COL26A1: variants seen among roughly 807,000 people sequenced by gnomAD.
COL26A1 encodes collagen alpha-1(XXVI) chain.
Under a neutral mutation model 59.3 loss-of-function variants are expected in COL26A1, and 41 were observed. The observed-to-expected ratio is 0.69, with a 90% confidence interval of 0.54 to 0.90. The LOEUF is 0.90. Ranked by LOEUF, COL26A1 falls within the 40% of genes least tolerant of loss-of-function variation. The pLI is 0.00. For missense variants in COL26A1, 612 were observed against 602.3 expected, an observed-to-expected ratio of 1.02 and a Z score of -0.17; for synonymous variants, 266 against 256.0, an observed-to-expected ratio of 1.04 and a Z score of -0.37.
At chr7:101,475,431 C>A (rs898931919) in intron 3 of COL26A1, among the ~76,000 whole-genome samples, 9 of 152,148 alleles carry the variant, frequency 5.9e-5, no homozygotes, top group African/African-American at 1.7e-4. Flanking sequence ...CTTCCTGCTT[C>A]TGCTGTTTTC....
At chr7:101,392,345 T>A (rs1176031842) in intron 1 of COL26A1, among the ~76,000 whole-genome samples, 2 of 151,770 alleles carry the variant, frequency 1.3e-5, no homozygotes, top group Non-Finnish European at 2.9e-5. Flanking sequence ...CATCTGTTGT[T>A]ATGAGCAGGT....
In COL26A1 at chr7:101,488,628, G is replaced by T. The variant is rs577583003; in HGVS notation, c.385+40841G>T. Among the ~76,000 whole-genome samples the T allele has an allele frequency of 1.3e-4, 20 of 151,816 alleles. No individual in the cohort carries two copies. The South Asian group carries it at 4.2e-3, about 32-fold the overall frequency. On this transcript the variant is annotated intron_variant, in intron 3 of 12. Transcript: ENST00000313669. Reference sequence around the variant, plus strand: ...TGACCTCAGGTGATCCTCCCTCCTCGGCCTCCCAAAGCGCTAGGATTACAG... The same window carrying T: ...TGACCTCAGGTGATCCTCCCTCCTCTGCCTCCCAAAGCGCTAGGATTACAG...
chr7:101,527,176 G>T (rs1046343625), intron 3 of COL26A1, among the ~76,000 whole-genome samples: 19 of 151,782 alleles, frequency 1.3e-4, no homozygotes, highest in African/African-American at 4.4e-4. Flanking sequence ...CTGCCATGTT[G>T]CCCCGACTGG....
chr7:101,507,134 C>CA (rs1018717901), intron 3 of COL26A1, among the ~76,000 whole-genome samples: 31 of 152,254 alleles, frequency 2.0e-4, no homozygotes, highest in African/African-American at 7.5e-4. Flanking sequence ...AGGCTGGTCT[C>CA]AAACGCCTGG....
chr7:101,489,860 T>G (rs1461040430), intron 3 of COL26A1, among the ~76,000 whole-genome samples: 5 of 44,692 alleles, frequency 1.1e-4, no homozygotes, highest in Non-Finnish European at 1.5e-4. Flanking sequence ...CTTTCTTTCT[T>G]TCTTTCTTTC....
At chr7:101,422,311 C>CAAA (rs112095038) in intron 2 of COL26A1, among the ~76,000 whole-genome samples, 2,271 of 59,102 alleles carry the variant, frequency 0.038, 27 homozygotes, top group Non-Finnish European at 0.07. Flanking sequence ...AACTCCATCT[C>CAAA]AAAAAAAAAA....
At chr7:101,377,254 C>T (rs1172333002) in intron 1 of COL26A1, among the ~76,000 whole-genome samples, 1 of 151,966 alleles carries the variant, frequency 6.6e-6, no homozygotes, top group Non-Finnish European at 1.5e-5. Flanking sequence ...GTGATCCTCC[C>T]ACCTTGGCAT....
intron 1 of COL26A1, among the ~76,000 whole-genome samples, chr7:101,369,275 C>T (rs1030409743): frequency 2.5e-4 from 38 of 151,680 alleles, no homozygotes; most frequent in Non-Finnish European, 4.3e-4. Flanking sequence ...GGCATGGTGG[C>T]GCATGCCTGT....
chr7:101,446,199 C>G (rs1327684040), intron 2 of COL26A1, among the ~76,000 whole-genome samples: 2 of 152,084 alleles, frequency 1.3e-5, no homozygotes, highest in Admixed American at 6.6e-5. Context: ...CTGATCTAAT[C>G]ACCTCCTACC....
At chr7:101,550,993 TC>T (rs948015168) in intron 9 of COL26A1, 114 bp from the exon 10 acceptor site, 5 of 1,208,270 alleles carry the variant, frequency 4.1e-6, no homozygotes, top group Admixed American at 4.0e-5. Flanking sequence ...CATCCTCCTC[TC>T]CCTTCCTCTT....
intron 3 of COL26A1, among the ~76,000 whole-genome samples, chr7:101,465,550 C>T (rs1234289465): frequency 3.3e-5 from 5 of 151,932 alleles, no homozygotes; most frequent in South Asian, 2.1e-4. Flanking sequence ...AAAAATCAGT[C>T]GGGCGTGGTG....
At chr7:101,385,710 ATTTG>A (rs1383476371) in intron 1 of COL26A1, among the ~76,000 whole-genome samples, 6 of 146,098 alleles carry the variant, frequency 4.1e-5, no homozygotes, top group African/African-American at 1.5e-4. Context: ...TTTTTAATTT[ATTTG>A]TTTATTTGTT....
intron 3 of COL26A1, among the ~76,000 whole-genome samples, chr7:101,513,789 C>G (rs907346857): frequency 6.6e-6 from 1 of 152,148 alleles, no homozygotes; most frequent in Non-Finnish European, 1.5e-5. Flanking sequence ...TGACAAAAGG[C>G]AGTGTTACCA....
intron 3 of COL26A1, among the ~76,000 whole-genome samples, chr7:101,518,709 C>A (rs887093464): frequency 3.9e-5 from 6 of 152,180 alleles, no homozygotes; most frequent in Admixed American, 3.9e-4. Flanking sequence ...TCGCTGAAAC[C>A]GGCAAGATAA....
intron 10 of COL26A1, among the ~76,000 whole-genome samples, chr7:101,552,140 C>A (rs1165080246): frequency 6.6e-6 from 1 of 152,212 alleles, no homozygotes; most frequent in Non-Finnish European, 1.5e-5. Context: ...AATGATGGCA[C>A]TTCTAGGTGC....
intron 1 of COL26A1, among the ~76,000 whole-genome samples, chr7:101,405,237 A>G (rs1792101538): frequency 6.6e-6 from 1 of 152,148 alleles, no homozygotes; most frequent in African/African-American, 2.4e-5. Context: ...CTAAAAAAAA[A>G]AAAATTATAC....
Position 101,557,457 on chromosome 7 carries a change from A to C in COL26A1, c.1253A>C (p.Asp418Ala). 6.2e-7 allele frequency: 1 copy of C among 1,613,712 alleles called. No individual in the cohort carries two copies. The highest frequency in any genetic ancestry group is 1.1e-5 in the South Asian group (1 of 91,070). ...ATGAAGAGGGGTGGCGCCCAACCCG[A>C]TGGGGTCCTTGCTGCCCTGCTTGGG... ...LKMKRGGAQP[D>A]GVLAALLGPD... Residue 418 changes from aspartate to alanine, a missense_variant, in exon 13 of 13, where the codon GAT (aspartate) becomes GCT (alanine). Physicochemically the swap from Asp to Ala is moderately radical, Grantham distance 126. Transcript: ENST00000313669.
At chr7:101,378,925 G>C (rs1174378430) in intron 1 of COL26A1, among the ~76,000 whole-genome samples, 1 of 152,036 alleles carries the variant, frequency 6.6e-6, no homozygotes, top group Non-Finnish European at 1.5e-5. Flanking sequence ...GTCTGCGGCT[G>C]TGCGGCCCCT....
At chr7:101,363,425 A>AGGGGCAG (rs1384170753) in intron 1 of COL26A1, among the ~76,000 whole-genome samples, 5 of 88,026 alleles carry the variant, frequency 5.7e-5, no homozygotes, top group East Asian at 7.5e-4. Flanking sequence ...GGCGGATGCC[A>AGGGGCAG]GGGGCAGGGG....
Sources: allele counts gnomAD v4.1 joint callset (sites outside exome capture counted in the v4.1 genomes callset), GRCh38; gene constraint gnomAD v4.1.1; transcripts MANE v1.5; gene names NCBI Gene and HGNC (gene_info 2026-07-23, HGNC 2026-07-21).